ZNF423: variants seen among roughly 807,000 people sequenced by gnomAD.
ZNF423 encodes Ebf-associated zinc finger protein.
A neutral mutation model predicts 95.8 loss-of-function variants in ZNF423; 12 were observed. That is an observed-to-expected ratio of 0.13 (90% confidence interval 0.08 to 0.20). The LOEUF (loss-of-function observed/expected upper bound fraction) is 0.20. Among genes scored for constraint, ZNF423 ranks in the 10% least tolerant of loss-of-function variants. The pLI is 1.00. For missense variants in ZNF423, 1,316 were observed against 1,737.1 expected (o/e 0.76, Z 4.31); for synonymous variants, 749 against 711.9 (o/e 1.05, Z -0.83).
At chr16:49,596,770 G>A (rs1971191323) in intron 5 of ZNF423, among the ~76,000 whole-genome samples, 1 of 152,176 alleles carries the variant, frequency 6.6e-6, no homozygotes, top group African/African-American at 2.4e-5. Flanking sequence ...ATCAGCCCGG[G>A]AAGGTGGCCT....
intron 3 of ZNF423, among the ~76,000 whole-genome samples, chr16:49,694,755 C>A (rs1468536228): frequency 6.6e-6 from 1 of 152,206 alleles, no homozygotes; most frequent in African/African-American, 2.4e-5. Flanking sequence ...CCAGGGCAGG[C>A]ACCGCCAGCC....
intron 3 of ZNF423, among the ~76,000 whole-genome samples, chr16:49,686,192 G>T (rs999255838): frequency 6.6e-6 from 1 of 152,182 alleles, no homozygotes; most frequent in African/African-American, 2.4e-5. Context: ...ACTGTTGTAT[G>T]CCCAGCACTC....
At chr16:49,598,142 G>GGGCGAGAGAGCGAGACTCCGTCTC (rs1189406664) in intron 5 of ZNF423, among the ~76,000 whole-genome samples, 2 of 150,302 alleles carry the variant, frequency 1.3e-5, no homozygotes, top group Non-Finnish European at 3.0e-5. Context: ...GTGTGTATTT[G>GGGCGAGAGAGCGAGACTCCGTCTC]AAGAAAACAG....
At position 49,525,566 on chromosome 16, in the gene ZNF423, C is replaced by T. The variant is rs1968570351; in HGVS notation, c.3602-72G>A. ...CCCAGACAGGTGCTCACAAGGCCTC[C>T]CATAGACCCCAGCACTAACCCCCCT... is the stretch of plus-strand genomic sequence containing the variant. On this transcript the variant is annotated intron_variant, in intron 5 of 7. Coordinates refer to ENST00000563137, the MANE Select transcript of ZNF423 (RefSeq NM_001379286.1). The T allele has an allele frequency of 6.3e-6, 10 of 1,591,662 alleles. No homozygotes were observed. In the South Asian group the frequency reaches 1.0e-4, roughly 16 times the overall value.
At chr16:49,830,781 G>A (rs1163741880) in intron 1 of ZNF423, among the ~76,000 whole-genome samples, 2 of 152,102 alleles carry the variant, frequency 1.3e-5, no homozygotes, top group Non-Finnish European at 2.9e-5. Context: ...CTCGATCTCT[G>A]CTGACAGTAC....
At chr16:49,700,233 G>GAAA (rs1280582066) in intron 3 of ZNF423, among the ~76,000 whole-genome samples, 99 of 140,884 alleles carry the variant, frequency 7.0e-4, no homozygotes, top group African/African-American at 2.2e-3. Context: ...AGAAGAAGAA[G>GAAA]AAAAAAAGAA....
intron 5 of ZNF423, among the ~76,000 whole-genome samples, chr16:49,588,711 C>T (rs1301670931): frequency 1.3e-5 from 2 of 152,236 alleles, no homozygotes; most frequent in Non-Finnish European, 2.9e-5. Context: ...TTGAAAGCTT[C>T]TAGAGGGCAG....
At chr16:49,821,586 G>A (rs1326159781) in intron 1 of ZNF423, among the ~76,000 whole-genome samples, 1 of 152,154 alleles carries the variant, frequency 6.6e-6, no homozygotes, top group East Asian at 1.9e-4. Context: ...CTCACTCTAA[G>A]GCCTTCAGGG....
At chr16:49,573,544 G>A (rs902146195) in intron 5 of ZNF423, among the ~76,000 whole-genome samples, 2 of 152,198 alleles carry the variant, frequency 1.3e-5, no homozygotes, top group African/African-American at 2.4e-5. Context: ...CATGGCAAGA[G>A]GACAAGTGTG....
chr16:49,571,795 C>T (rs1970364610), intron 5 of ZNF423, among the ~76,000 whole-genome samples: 1 of 152,126 alleles, frequency 6.6e-6, no homozygotes, highest in Non-Finnish European at 1.5e-5. Context: ...ATAGGTCACT[C>T]CAAAACAGGG....
chr16:49,770,989 G>A (rs1485224048), intron 2 of ZNF423, among the ~76,000 whole-genome samples: 3 of 152,128 alleles, frequency 2.0e-5, no homozygotes, highest in African/African-American at 2.4e-5. Flanking sequence ...TGGAGGAGTC[G>A]GGGCCAAGGG....
Position 49,803,404 on chromosome 16 carries a change from C to T in ZNF423, c.41-13858G>A, listed in dbSNP as rs533136250. On this transcript the variant is annotated intron_variant, in intron 1 of 7. Coordinates refer to ENST00000563137, the MANE Select transcript of ZNF423 (RefSeq NM_001379286.1). Reference sequence around the variant, plus strand: ...CTGTCTCCTCCTGTAAGAGAATCCACGCTGCAACACATGTATGGTCACAAG... The same window carrying T: ...CTGTCTCCTCCTGTAAGAGAATCCATGCTGCAACACATGTATGGTCACAAG... Among the ~76,000 whole-genome samples, 472 of 152,262 alleles carry T rather than the reference C, an allele frequency of 3.1e-3. 1 individual carries two copies. Among genetic ancestry groups the T allele is most frequent in the African/African-American group, 0.011 (442 of 41,540 alleles).
intron 4 of ZNF423, among the ~76,000 whole-genome samples, chr16:49,629,178 G>A (rs112474385): frequency 0.03 from 4,577 of 152,158 alleles, 91 homozygotes; most frequent in Middle Eastern, 0.099. Context: ...CTTGCATGGT[G>A]CACACTTTTC....
rs1001495130 is a variant in ZNF423, at chr16:49,514,209, C to CAT, written c.3849+9414_3849+9415insAT. 4.8e-4 allele frequency among the ~76,000 whole-genome samples: 30 copies of CAT among 62,830 alleles called. No homozygotes were observed. In the South Asian group the frequency reaches 7.0e-3, roughly 15 times the overall value. The allele number at this position is 62,830 out of a possible 152,430, so 41.2% of individuals were successfully genotyped here. A position where few individuals can be genotyped will look rare whatever the true frequency, so the allele number is the denominator to read the frequency against. On this transcript the variant is annotated intron_variant, in intron 7 of 7. Transcript: ENST00000563137. The stretch of plus-strand genomic sequence containing the variant: ...CAACACACACACACACACACACACA[C>CAT]ACATGCACACGCACATGCGTACACA...
At chr16:49,616,677 C>T (rs113529872) in intron 5 of ZNF423, among the ~76,000 whole-genome samples, 4,279 of 152,118 alleles carry the variant, frequency 0.028, 192 homozygotes, top group African/African-American at 0.096. Flanking sequence ...AATGAAAAAT[C>T]GGCTTGATTG....
chr16:49,615,130 T>TCTCACACACACACACACACA (rs373291400), intron 5 of ZNF423, among the ~76,000 whole-genome samples: 3 of 141,248 alleles, frequency 2.1e-5, no homozygotes, highest in African/African-American at 8.2e-5. Flanking sequence ...AAACTCCATC[T>TCTCACACACACACACACACA]CACACACACA....
intron 7 of ZNF423, chr16:49,518,101 T>G (rs748230939): frequency 1.6e-5 from 7 of 441,704 alleles, no homozygotes; most frequent in Non-Finnish European, 3.1e-5. Flanking sequence ...AAAAGTTCAT[T>G]GCAAGCCCTA....
intron 3 of ZNF423, among the ~76,000 whole-genome samples, chr16:49,718,606 A>C (rs2032776175): frequency 6.6e-6 from 1 of 152,168 alleles, no homozygotes; most frequent in Non-Finnish European, 1.5e-5. Context: ...AATACCAGAA[A>C]CTGGATGGCT....
At chr16:49,541,997 C>CT (rs978813742) in intron 5 of ZNF423, among the ~76,000 whole-genome samples, 1 of 152,180 alleles carries the variant, frequency 6.6e-6, no homozygotes, top group Non-Finnish European at 1.5e-5. Context: ...ACAATAAAAG[C>CT]TTTTTAAAAA....
Sources: gnomAD v4.1 joint callset for allele counts (sites outside exome capture counted in the v4.1 genomes callset) on GRCh38, gnomAD v4.1.1 for gene constraint, MANE v1.5 for transcripts, NCBI Gene and HGNC (gene_info 2026-07-23, HGNC 2026-07-21) for gene names.